CHMP4B: variants seen among roughly 807,000 people sequenced by gnomAD.
CHMP4B encodes SNF7 homolog associated with Alix 1.
Under a neutral mutation model 25.1 loss-of-function variants are expected in CHMP4B, and 1 was observed. That is an observed-to-expected ratio of 0.04 (90% confidence interval 0.01 to 0.19). The LOEUF is 0.19. Ranked by LOEUF, CHMP4B falls within the 10% of genes least tolerant of loss-of-function variation. CHMP4B has a pLI of 1.00. For missense variants in CHMP4B, 151 were observed against 289.7 expected (o/e 0.52, Z 3.48); for synonymous variants, 101 against 115.6 (o/e 0.87, Z 0.81).
chr20:33,848,400 A>T, intron 1 of CHMP4B, 67 bp from the exon 2 acceptor site: 6 of 1,526,084 alleles, frequency 3.9e-6, no homozygotes, highest in Non-Finnish European at 5.4e-6. Context: ...TGGGGAAAAG[A>T]CTCAGTGACA....
chr20:33,811,529 A>AC lies in CHMP4B; in HGVS notation c.67dup (p.Gln23ProfsTer50). The AC allele has an allele frequency of 1.2e-6, 2 of 1,608,818 alleles. No homozygotes were observed. The highest frequency in any genetic ancestry group is 1.7e-6 in the Non-Finnish European group (2 of 1,177,792). ...GGGTAAGGCCGGCAAGGGCGGCCCG[A>AC]CCCCCCAGGAGGCCATCCAGCGGCT... On this transcript the variant is annotated frameshift_variant, in exon 1 of 5. Coordinates refer to ENST00000217402, the MANE Select transcript of CHMP4B (RefSeq NM_176812.5). LOFTEE classifies it high-confidence loss of function.
At chr20:33,824,333 T>A (rs751030652) in intron 1 of CHMP4B, among the ~76,000 whole-genome samples, 3 of 152,238 alleles carry the variant, frequency 2.0e-5, no homozygotes, top group Admixed American at 1.3e-4. Flanking sequence ...GCATCCACCC[T>A]GGCTCCTTCC....
At chr20:33,841,540 T>C (rs1979541003) in intron 1 of CHMP4B, among the ~76,000 whole-genome samples, 1 of 152,206 alleles carries the variant, frequency 6.6e-6, no homozygotes, top group Admixed American at 6.5e-5. Context: ...GCTTCCAATA[T>C]GCATTTGGTG....
At chr20:33,849,775 G>A (rs1235018403) in intron 2 of CHMP4B, among the ~76,000 whole-genome samples, 1 of 152,062 alleles carries the variant, frequency 6.6e-6, no homozygotes, top group East Asian at 1.9e-4. Context: ...TGTAAATAAA[G>A]TTTTATTATT....
intron 1 of CHMP4B, among the ~76,000 whole-genome samples, chr20:33,814,648 A>G (rs1166834539): frequency 6.6e-6 from 1 of 151,998 alleles, no homozygotes; most frequent in Non-Finnish European, 1.5e-5. Flanking sequence ...GCTGTCCTTT[A>G]TTTTTATTTA....
chr20:33,850,892 T>A, intron 2 of CHMP4B, 60 bp from the exon 3 acceptor site: 1 of 1,263,766 alleles, frequency 7.9e-7, no homozygotes, highest in Non-Finnish European at 1.2e-6. Context: ...CGCCTTGCCT[T>A]GCAGGCCCCC....
intron 1 of CHMP4B, among the ~76,000 whole-genome samples, chr20:33,821,774 T>A (rs1418810261): frequency 2.0e-5 from 3 of 149,878 alleles, no homozygotes; most frequent in African/African-American, 7.2e-5. Flanking sequence ...TTAAAAAAGT[T>A]AAAAATAAAA....
Position 33,823,102 on chromosome 20 carries a change from T to C in CHMP4B, c.190+11444T>C, listed in dbSNP as rs766069656. Among the ~76,000 whole-genome samples, 145 of 152,224 alleles carry C rather than the reference T, an allele frequency of 9.5e-4. 2 individuals are homozygous for C. The highest frequency in any genetic ancestry group is 4.1e-4 in the Non-Finnish European group (28 of 68,014). On this transcript the variant is annotated intron_variant, in intron 1 of 4. Coordinates refer to ENST00000217402, the MANE Select transcript of CHMP4B (RefSeq NM_176812.5). ...CGCGCCCGGCCCAGTTAAGTAATTT[T>C]CATCATGCTTAAAAACATTGTATTT...
At chr20:33,841,682 A>G (rs953309415) in intron 1 of CHMP4B, among the ~76,000 whole-genome samples, 1 of 152,186 alleles carries the variant, frequency 6.6e-6, no homozygotes, top group Non-Finnish European at 1.5e-5. Context: ...CATTAGGGGA[A>G]GGTATTCTTG....
chr20:33,842,131 CTCTTACTTAG>C (rs1979560152), intron 1 of CHMP4B, among the ~76,000 whole-genome samples: 1 of 152,182 alleles, frequency 6.6e-6, no homozygotes, highest in South Asian at 2.1e-4. Flanking sequence ...ATGATCGTAA[CTCTTACTTAG>C]TCAAAGTTTG....
chr20:33,853,667 C>T lies in CHMP4B; in HGVS notation c.*107C>T, dbSNP rs1387164493. ...GATGTGGTGCAGGCAGGTTCCATCG[C>T]TTTCGACTCTCACTCCAAAGCAGTA... On this transcript the variant is annotated 3_prime_UTR_variant, in exon 5 of 5. Transcript: ENST00000217402. The T allele has an allele frequency of 2.1e-6, 2 of 960,250 alleles. No homozygotes were observed. Among genetic ancestry groups the T allele is most frequent in the Non-Finnish European group, 3.3e-6 (2 of 600,840 alleles). 59.5% of individuals were successfully genotyped at this position (960,250 alleles called of 1,614,324 possible).
chr20:33,838,083 G>A (rs1046537078), intron 1 of CHMP4B, among the ~76,000 whole-genome samples: 1 of 152,202 alleles, frequency 6.6e-6, no homozygotes, highest in Admixed American at 6.5e-5. Context: ...CACAGGACCC[G>A]TGTTGCAGGT....
intron 1 of CHMP4B, among the ~76,000 whole-genome samples, chr20:33,821,653 G>A (rs1368068451): frequency 6.6e-6 from 1 of 152,072 alleles, no homozygotes; most frequent in Non-Finnish European, 1.5e-5. Context: ...GCTGGGTATG[G>A]TGACTCACAC....
intron 1 of CHMP4B, among the ~76,000 whole-genome samples, chr20:33,845,831 C>G (rs959567331): frequency 6.6e-6 from 1 of 152,158 alleles, no homozygotes; most frequent in African/African-American, 2.4e-5. Flanking sequence ...GCCTGCAGCC[C>G]CACGCCCTGG....
chr20:33,835,890 G>T (rs1047492226), intron 1 of CHMP4B, among the ~76,000 whole-genome samples: 1 of 152,138 alleles, frequency 6.6e-6, no homozygotes, highest in Non-Finnish European at 1.5e-5. Context: ...TTAACAACCA[G>T]CTCTTTCGGG....
chr20:33,811,445 A>T lies in CHMP4B; in HGVS notation c.-24A>T. The T allele has an allele frequency of 6.7e-7, 1 of 1,485,050 alleles. No individual in the cohort carries two copies. The highest frequency in any genetic ancestry group is 9.0e-7 in the Non-Finnish European group (1 of 1,116,484). 92.0% of individuals were successfully genotyped at this position (1,485,050 alleles called of 1,614,324 possible). On this transcript the variant is annotated 5_prime_UTR_variant, in exon 1 of 5. It adds an upstream start codon to the 5' untranslated region. Coordinates refer to ENST00000217402, the MANE Select transcript of CHMP4B (RefSeq NM_176812.5). ...CGAGCCGAGCCGGAGCGGGCGGCGAAGGCCGGCGCGGCGAGCAGCAACCAT... is the reference window on the plus strand; with the variant it reads ...CGAGCCGAGCCGGAGCGGGCGGCGATGGCCGGCGCGGCGAGCAGCAACCAT...
At chr20:33,842,050 TCA>T (rs926192180) in intron 1 of CHMP4B, among the ~76,000 whole-genome samples, 48 of 152,184 alleles carry the variant, frequency 3.2e-4, no homozygotes, top group Non-Finnish European at 1.6e-4. Flanking sequence ...ATCATTTTTC[TCA>T]GTTATCTAAT....
chr20:33,826,905 A>T (rs1979110355), intron 1 of CHMP4B, among the ~76,000 whole-genome samples: 1 of 152,154 alleles, frequency 6.6e-6, no homozygotes, highest in South Asian at 2.1e-4. Flanking sequence ...TAACTCAGTT[A>T]GTTGTGATCT....
intron 1 of CHMP4B, among the ~76,000 whole-genome samples, chr20:33,830,393 C>T (rs1979206721): frequency 6.6e-6 from 1 of 152,156 alleles, no homozygotes. Flanking sequence ...TTAGCTTGGG[C>T]TGCCATAACA....
Sources: allele counts gnomAD v4.1 joint callset (sites outside exome capture counted in the v4.1 genomes callset), GRCh38; gene constraint gnomAD v4.1.1; transcripts MANE v1.5; gene names NCBI Gene and HGNC (gene_info 2026-07-23, HGNC 2026-07-21).